Variants in EPHA6 observed in about 807,000 individuals in gnomAD.
EPHA6 encodes ephrin type-A receptor 6.
Under a neutral mutation model 112.0 loss-of-function variants are expected in EPHA6, and 50 were observed. The observed-to-expected ratio is 0.45, with a 90% confidence interval of 0.36 to 0.56. The LOEUF is 0.56. Among genes scored for constraint, EPHA6 ranks in the 20% least tolerant of loss-of-function variants. EPHA6 has a pLI of 0.00. For missense variants in EPHA6, 1,280 were observed against 1,417.4 expected (o/e 0.90, Z 1.56); for synonymous variants, 529 against 490.7 (o/e 1.08, Z -1.03).
At chr3:97,007,156 CT>C (rs2043911133) in intron 3 of EPHA6, among the ~76,000 whole-genome samples, 1 of 152,106 alleles carries the variant, frequency 6.6e-6, no homozygotes, top group Admixed American at 6.5e-5. Flanking sequence ...CCTAAATATC[CT>C]TGTTAATTTT....
At chr3:97,744,383 C>A (rs191548892) in intron 16 of EPHA6, among the ~76,000 whole-genome samples, 2 of 151,974 alleles carry the variant, frequency 1.3e-5, no homozygotes, top group Non-Finnish European at 1.5e-5. Context: ...AGGTAATATT[C>A]CAGAGAATTC....
chr3:97,596,210 A>G (rs1377990085), intron 12 of EPHA6, among the ~76,000 whole-genome samples: 1 of 152,118 alleles, frequency 6.6e-6, no homozygotes, highest in Non-Finnish European at 1.5e-5. Flanking sequence ...CGGCCATATC[A>G]GACATAGTCT....
chr3:97,484,086 C>A (rs753156444), intron 10 of EPHA6, 27 bp downstream of exon 10: 1 of 1,574,912 alleles, frequency 6.3e-7, no homozygotes, highest in South Asian at 1.2e-5. Flanking sequence ...CACTTTTGAA[C>A]AAAACATTCC....
rs549621191 is a variant in EPHA6, at chr3:96,857,108, A to G, written c.386-9717A>G. Among the ~76,000 whole-genome samples the G allele has an allele frequency of 2.0e-5, 3 of 152,292 alleles. No homozygotes were observed. In the South Asian group the frequency reaches 6.2e-4, roughly 32 times the overall value. On this transcript the variant is annotated intron_variant, in intron 1 of 17. Coordinates refer to ENST00000389672, the MANE Select transcript of EPHA6 (RefSeq NM_001080448.3). The stretch of plus-strand genomic sequence containing the variant: ...ATCAATAAGTTAAGAAAACTGATCA[A>G]TGTCTTATCAAACCTACATTTGCTG...
At chr3:96,894,596 A>C (rs1411083854) in intron 2 of EPHA6, among the ~76,000 whole-genome samples, 1 of 152,106 alleles carries the variant, frequency 6.6e-6, no homozygotes, top group Non-Finnish European at 1.5e-5. Flanking sequence ...GTCAGCAAAG[A>C]AGGTATGAAT....
intron 10 of EPHA6, among the ~76,000 whole-genome samples, chr3:97,523,717 G>C (rs1474191980): frequency 6.6e-6 from 1 of 151,816 alleles, no homozygotes; most frequent in East Asian, 1.9e-4. Context: ...TTTGCTTTAT[G>C]TATCTAGGTG....
intron 5 of EPHA6, among the ~76,000 whole-genome samples, chr3:97,325,025 A>C (rs2082352824): frequency 1.3e-5 from 2 of 152,024 alleles, no homozygotes; most frequent in Non-Finnish European, 2.9e-5. Flanking sequence ...TCATGGTTCC[A>C]CACTACTTTG....
chr3:97,194,036 TG>T (rs2077376714), intron 3 of EPHA6, among the ~76,000 whole-genome samples: 1 of 152,034 alleles, frequency 6.6e-6, no homozygotes, highest in African/African-American at 2.4e-5. Flanking sequence ...TTTTCATTTT[TG>T]TTGATCTTTT....
chr3:97,242,747 A>G lies in EPHA6; in HGVS notation c.1271-1205A>G, dbSNP rs2078883465. 2.6e-5 allele frequency among the ~76,000 whole-genome samples: 4 copies of G among 151,984 alleles called. No individual in the cohort carries two copies. The South Asian group carries it at 8.3e-4, about 31-fold the overall frequency. ...ATTTCTAGGAGCGAATGCTAGGGAG[A>G]CATTGCTTTCCACGCTCTAAGCAGA... On this transcript the variant is annotated intron_variant, in intron 4 of 17. Coordinates refer to ENST00000389672, the MANE Select transcript of EPHA6 (RefSeq NM_001080448.3).
intron 10 of EPHA6, among the ~76,000 whole-genome samples, chr3:97,496,209 C>A (rs2091973858): frequency 6.6e-6 from 1 of 152,142 alleles, no homozygotes; most frequent in Admixed American, 6.6e-5. Context: ...TCCTTGTTCA[C>A]ATGGAAAGCT....
intron 3 of EPHA6, among the ~76,000 whole-genome samples, chr3:97,000,105 A>G (rs550386446): frequency 1.8e-4 from 27 of 151,916 alleles, no homozygotes; most frequent in African/African-American, 6.0e-4. Flanking sequence ...ATTGCATATT[A>G]AAAAGTTATA....
intron 6 of EPHA6, among the ~76,000 whole-genome samples, chr3:97,415,132 A>G (rs183445074): frequency 6.6e-6 from 1 of 152,172 alleles, no homozygotes; most frequent in East Asian, 1.9e-4. Flanking sequence ...CAAACAGTGT[A>G]TGATGACTTT....
chr3:97,572,716 A>G (rs2093346668), intron 11 of EPHA6: 1 of 152,158 alleles, frequency 6.6e-6, no homozygotes. Flanking sequence ...GAAGAGACCA[A>G]CTTTCCTGAG....
intron 1 of EPHA6, among the ~76,000 whole-genome samples, chr3:96,860,076 A>G (rs1227975035): frequency 1.3e-5 from 2 of 152,168 alleles, no homozygotes; most frequent in Non-Finnish European, 2.9e-5. Flanking sequence ...ATAGCGTCCA[A>G]TATATAGAGT....
chr3:97,319,792 G>A (rs886371981), intron 5 of EPHA6, among the ~76,000 whole-genome samples: 10 of 150,966 alleles, frequency 6.6e-5, no homozygotes, highest in East Asian at 1.9e-4. Context: ...TCTATATCCC[G>A]AGCTAGTCTA....
In EPHA6 at chr3:97,750,494, T is replaced by C. The variant is rs924841506; in HGVS notation, c.*1793T>C. ...GCCTCAGCCACCCGAGTAGCTGGGATTACAGGCGCCTGCCACCACTCCCGG... is the reference window on the plus strand; with the variant it reads ...GCCTCAGCCACCCGAGTAGCTGGGACTACAGGCGCCTGCCACCACTCCCGG... On this transcript the variant is annotated 3_prime_UTR_variant, in exon 18 of 18. Transcript: ENST00000389672. 2.0e-5 allele frequency among the ~76,000 whole-genome samples: 3 copies of C among 151,866 alleles called. No homozygotes were observed. Among genetic ancestry groups the C allele is most frequent in the African/African-American group, 7.3e-5 (3 of 41,370 alleles).
chr3:97,691,379 C>G (rs1032039009), intron 14 of EPHA6, among the ~76,000 whole-genome samples: 6 of 152,178 alleles, frequency 3.9e-5, no homozygotes, highest in Non-Finnish European at 5.9e-5. Context: ...AATATGAGCT[C>G]ACTAGCTTTA....
chr3:97,115,067 G>T lies in EPHA6; in HGVS notation c.1115-111197G>T, dbSNP rs528234913. Among the ~76,000 whole-genome samples the T allele has an allele frequency of 2.8e-4, 43 of 152,084 alleles. 2 individuals carry two copies. The highest frequency in any genetic ancestry group is 9.9e-4 in the African/African-American group (41 of 41,546). On this transcript the variant is annotated intron_variant, in intron 3 of 17. Coordinates refer to ENST00000389672, the MANE Select transcript of EPHA6 (RefSeq NM_001080448.3). ...ATATAGTTGGAAAATAGGCTACATGGTGTGTAGCAGACTGTGATAGGACAA... is the reference window on the plus strand; with the variant it reads ...ATATAGTTGGAAAATAGGCTACATGTTGTGTAGCAGACTGTGATAGGACAA...
At chr3:97,734,264 G>GCTT (rs1242062717) in intron 15 of EPHA6, among the ~76,000 whole-genome samples, 3 of 151,988 alleles carry the variant, frequency 2.0e-5, no homozygotes, top group Non-Finnish European at 4.4e-5. Flanking sequence ...CTCCTAGAGT[G>GCTT]GGATTTCAAT....
Sources: gnomAD v4.1 joint callset for allele counts (sites outside exome capture counted in the v4.1 genomes callset) on GRCh38, gnomAD v4.1.1 for gene constraint, MANE v1.5 for transcripts, NCBI Gene and HGNC (gene_info 2026-07-23, HGNC 2026-07-21) for gene names.